Variants in PSPC1 observed in about 807,000 individuals in gnomAD.
PSPC1 encodes the protein paraspeckle component 1, also known as paraspeckle protein 1.
Under a neutral mutation model 51.6 loss-of-function variants are expected in PSPC1, and 14 were observed. That is an observed-to-expected ratio of 0.27 (90% CI 0.18 to 0.42). PSPC1 has a LOEUF of 0.42. PSPC1 is among the 10% of genes least tolerant of loss of function. PSPC1 has a pLI of 1.00. For missense variants in PSPC1, 406 were observed against 701.1 expected, an observed-to-expected ratio of 0.58 and a Z score of 4.75; for synonymous variants, 193 against 231.9, an observed-to-expected ratio of 0.83 and a Z score of 1.53.
intron 3 of PSPC1, among the ~76,000 whole-genome samples, chr13:19,754,270 G>C (rs1376851650): frequency 2.0e-5 from 3 of 151,464 alleles, no homozygotes; most frequent in Non-Finnish European, 4.4e-5. Flanking sequence ...AGTTTTAGTA[G>C]AGACGGGGTT....
At chr13:19,677,740 T>C in exon 7 of PSPC1, 1 of 470,390 alleles carries the variant, frequency 2.1e-6, no homozygotes, top group South Asian at 1.5e-5. Context: ...GGAAGTATGA[T>C]TCCAGTACTT....
At position 19,741,558 on chromosome 13, in the gene PSPC1, C is replaced by A. The variant is rs1885434208; in HGVS notation, c.1052+7G>T. The stretch of plus-strand genomic sequence containing the variant: ...AATTCATGTTTCTTAAAATGATCTT[C>A]TTTTACCTTAGTTGTATTTGCTTCC... On this transcript the variant is annotated splice_region_variant and intron_variant, in intron 5 of 8. Coordinates refer to ENST00000338910, the MANE Select transcript of PSPC1 (RefSeq NM_001354909.2). The A allele has an allele frequency of 2.6e-6, 4 of 1,548,026 alleles. No individual in the cohort carries two copies. The highest frequency in any genetic ancestry group is 3.5e-6 in the Non-Finnish European group (4 of 1,128,660).
chr13:19,745,281 C>T (rs954428805), intron 4 of PSPC1, among the ~76,000 whole-genome samples: 11 of 152,086 alleles, frequency 7.2e-5, no homozygotes, highest in Non-Finnish European at 1.2e-4. Flanking sequence ...ATTATGCCAA[C>T]GCAGTCCAGC....
downstream of PSPC1, chr13:19,673,377 C>G (rs967532458): frequency 1.5e-5 from 4 of 258,758 alleles, no homozygotes; most frequent in African/African-American, 4.4e-5. Flanking sequence ...TTCAGAGAAC[C>G]ATTTTTACTT....
intron 6 of PSPC1, among the ~76,000 whole-genome samples, chr13:19,679,463 TC>T (rs1480510386): frequency 2.0e-5 from 3 of 152,110 alleles, no homozygotes; most frequent in Admixed American, 6.6e-5. Context: ...ACCACTGTGC[TC>T]CAGCCTGGGC....
intron 5 of PSPC1, among the ~76,000 whole-genome samples, 158 bp downstream of exon 5, chr13:19,741,407 A>G (rs1885420551): frequency 6.6e-6 from 1 of 152,202 alleles, no homozygotes; most frequent in Non-Finnish European, 1.5e-5. Flanking sequence ...CCAGCAAAGA[A>G]TTATGCTACA....
At chr13:19,696,200 T>G (rs922261573) in intron 6 of PSPC1, among the ~76,000 whole-genome samples, 2 of 152,180 alleles carry the variant, frequency 1.3e-5, no homozygotes, top group African/African-American at 4.8e-5. Context: ...GGGTAGTTTT[T>G]GGGAAGCAGA....
downstream of PSPC1, chr13:19,672,090 G>C (rs891501736): frequency 1.3e-5 from 7 of 557,800 alleles, no homozygotes; most frequent in African/African-American, 9.4e-5. Context: ...GCGTATTTCA[G>C]TTTTTCCACA....
Position 19,721,620 on chromosome 13 carries a change from T to C in PSPC1, c.1158+8619A>G, listed in dbSNP as rs531214356. Among the ~76,000 whole-genome samples, 90 of 152,346 alleles carry C rather than the reference T, an allele frequency of 5.9e-4. 1 individual carries two copies. The highest frequency in any genetic ancestry group is 2.1e-3 in the African/African-American group (87 of 41,582). On this transcript the variant is annotated intron_variant, in intron 6 of 8. Transcript: ENST00000338910. Reference sequence around the variant, plus strand: ...CTAAATTCTCAGAACGTTTGAGCTGTTTCTTTTAACATTACTCTGTATAAG... The same window carrying C: ...CTAAATTCTCAGAACGTTTGAGCTGCTTCTTTTAACATTACTCTGTATAAG...
Position 19,774,813 on chromosome 13 carries a change from A to T in PSPC1, c.373-2270T>A, listed in dbSNP as rs572348605. Among the ~76,000 whole-genome samples the T allele has an allele frequency of 3.3e-3, 490 of 149,658 alleles. 1 individual carries two copies. Among genetic ancestry groups the T allele is most frequent in the South Asian group, 0.015 (72 of 4,760 alleles). On this transcript the variant is annotated intron_variant, in intron 1 of 8. Transcript: ENST00000338910. ...GGGACAGACTCTGTGTCCAAAAAAA[A>T]AAAAACAAAAAAAAAAAAGAAAAAG...
At chr13:19,751,499 T>A in intron 3 of PSPC1, 32 bp from the exon 4 acceptor site, 2 of 1,412,564 alleles carry the variant, frequency 1.4e-6, no homozygotes, top group Middle Eastern at 1.9e-4. Flanking sequence ...CAGAAATGTA[T>A]GCTTAAAAGG....
chr13:19,696,195 G>C (rs758006515), intron 6 of PSPC1, among the ~76,000 whole-genome samples: 15 of 152,184 alleles, frequency 9.9e-5, no homozygotes, highest in Non-Finnish European at 1.8e-4. Context: ...TTTTAGGGTA[G>C]TTTTTGGGAA....
intron 6 of PSPC1, among the ~76,000 whole-genome samples, chr13:19,685,241 G>T (rs1019795361): frequency 2.6e-5 from 4 of 152,190 alleles, no homozygotes; most frequent in African/African-American, 7.2e-5. Flanking sequence ...CCCTTGGTAA[G>T]GCATTAACAG....
chr13:19,730,188 T>C lies in PSPC1; in HGVS notation c.1158+51A>G, dbSNP rs760250438. On this transcript the variant is annotated intron_variant, in intron 6 of 8. Transcript: ENST00000338910. Reference sequence around the variant, plus strand: ...AAATCTAAAGCATTCTAAATATGCATCATAAACCTGAAAATATAAAATCAT... The same window carrying C: ...AAATCTAAAGCATTCTAAATATGCACCATAAACCTGAAAATATAAAATCAT... 5 of 1,498,118 alleles carry C rather than the reference T, an allele frequency of 3.3e-6. No individual in the cohort carries two copies. The South Asian group carries it at 4.5e-5, about 14-fold the overall frequency. The allele number at this position is 1,498,118 out of a possible 1,614,324, so 92.8% of individuals were successfully genotyped here. A position where few individuals can be genotyped will look rare whatever the true frequency, so the allele number is the denominator to read the frequency against.
intron 6 of PSPC1, among the ~76,000 whole-genome samples, chr13:19,696,035 C>G (rs1305743853): frequency 6.6e-6 from 1 of 152,106 alleles, no homozygotes; most frequent in Non-Finnish European, 1.5e-5. Context: ...AGGAATCTGA[C>G]TCTGAACAGA....
chr13:19,687,617 T>C (rs571956366), intron 6 of PSPC1, among the ~76,000 whole-genome samples: 42 of 152,180 alleles, frequency 2.8e-4, no homozygotes, highest in African/African-American at 1.0e-3. Flanking sequence ...AAAATACCTA[T>C]CATTTGGTTT....
chr13:19,717,921 G>C (rs1354331029), intron 6 of PSPC1, among the ~76,000 whole-genome samples: 1 of 151,758 alleles, frequency 6.6e-6, no homozygotes, highest in Non-Finnish European at 1.5e-5. Context: ...TCCAGTGCCT[G>C]TAATCTCAGG....
chr13:19,759,463 GAATT>G (rs769703321), intron 2 of PSPC1, 45 bp from the exon 3 acceptor site: 102 of 1,261,914 alleles, frequency 8.1e-5, no homozygotes, highest in South Asian at 5.2e-4. Flanking sequence ...ACAGTGCCAA[GAATT>G]AATACCGTCT....
chr13:19,700,727 T>C (rs1336731098), downstream of PSPC1, among the ~76,000 whole-genome samples: 3 of 152,098 alleles, frequency 2.0e-5, no homozygotes, highest in African/African-American at 7.2e-5. Flanking sequence ...TCACACAAAC[T>C]ATCATAATAT....
Sources: gnomAD v4.1 joint callset for allele counts (sites outside exome capture counted in the v4.1 genomes callset) on GRCh38, gnomAD v4.1.1 for gene constraint, MANE v1.5 for transcripts, NCBI Gene and HGNC (gene_info 2026-07-23, HGNC 2026-07-21) for gene names.